NTRK3: variants seen among roughly 807,000 people sequenced by gnomAD.
NTRK3 encodes neurotrophic receptor tyrosine kinase 3.
A neutral mutation model predicts 91.7 loss-of-function variants in NTRK3; 24 were observed. That is an observed-to-expected ratio of 0.26 (90% confidence interval 0.19 to 0.37). The LOEUF (loss-of-function observed/expected upper bound fraction) is 0.37, where lower values mean the gene tolerates loss of function less well. Ranked by LOEUF, NTRK3 falls within the 10% of genes least tolerant of loss-of-function variation. NTRK3 has a pLI of 1.00. For missense variants in NTRK3, 880 were observed against 1,068.9 expected, an observed-to-expected ratio of 0.82 and a Z score of 2.46; for synonymous variants, 483 against 404.0, an observed-to-expected ratio of 1.20 and a Z score of -2.34.
intron 17 of NTRK3, among the ~76,000 whole-genome samples, chr15:87,905,941 T>C (rs898439312): frequency 6.6e-6 from 1 of 152,138 alleles, no homozygotes; most frequent in African/African-American, 2.4e-5. Flanking sequence ...TGCTGTGCCT[T>C]CATGCGCAAT....
intron 13 of NTRK3, among the ~76,000 whole-genome samples, chr15:88,124,282 C>T (rs891424495): frequency 6.6e-6 from 1 of 152,106 alleles, no homozygotes; most frequent in Non-Finnish European, 1.5e-5. Flanking sequence ...CCTGACCCAA[C>T]CAGGGCCAAG....
At chr15:87,924,717 C>T (rs578113958) in intron 17 of NTRK3, among the ~76,000 whole-genome samples, 1 of 152,214 alleles carries the variant, frequency 6.6e-6, no homozygotes, top group African/African-American at 2.4e-5. Context: ...CTAGGTTTCT[C>T]TTGGTCTGGA....
At chr15:88,152,675 CG>C (rs1432897395) in intron 5 of NTRK3, among the ~76,000 whole-genome samples, 3 of 152,216 alleles carry the variant, frequency 2.0e-5, no homozygotes, top group Non-Finnish European at 4.4e-5. Flanking sequence ...CACCTGTTCT[CG>C]GCCCCTCATT....
At chr15:88,061,898 A>C (rs984157621) in intron 13 of NTRK3, among the ~76,000 whole-genome samples, 1 of 152,190 alleles carries the variant, frequency 6.6e-6, no homozygotes. Flanking sequence ...CCCCTTATCC[A>C]TCAAACGGGG....
At chr15:88,031,486 T>C (rs1023292893) in intron 14 of NTRK3, among the ~76,000 whole-genome samples, 2 of 152,208 alleles carry the variant, frequency 1.3e-5, no homozygotes, top group Non-Finnish European at 2.9e-5. Context: ...AGAAGTGAAC[T>C]AATCTTTGTT....
chr15:88,004,630 T>A (rs2076357918), intron 14 of NTRK3, among the ~76,000 whole-genome samples: 1 of 152,132 alleles, frequency 6.6e-6, no homozygotes, highest in Non-Finnish European at 1.5e-5. Flanking sequence ...CTAAGAAGAA[T>A]GTGTACCCTA....
chr15:88,176,940 G>A (rs2046053907), intron 5 of NTRK3, among the ~76,000 whole-genome samples: 2 of 152,222 alleles, frequency 1.3e-5, no homozygotes, highest in Non-Finnish European at 2.9e-5. Flanking sequence ...CAAAGTTTGA[G>A]TAGTCAAGGG....
chr15:87,929,168 T>G, intron 17 of NTRK3, 23 bp downstream of exon 17: 1 of 1,614,186 alleles, frequency 6.2e-7, no homozygotes, highest in South Asian at 1.1e-5. Context: ...GGCTGAGTCC[T>G]GCAGCTGGGA....
intron 3 of NTRK3, chr15:88,253,016 G>A (rs1009810554): frequency 6.6e-6 from 1 of 152,174 alleles, no homozygotes; most frequent in Admixed American, 6.5e-5. Context: ...TTGTCCCTCT[G>A]GAAACTCAGT....
intron 13 of NTRK3, among the ~76,000 whole-genome samples, chr15:88,037,650 T>C (rs1405194377): frequency 6.6e-6 from 1 of 152,160 alleles, no homozygotes; most frequent in Non-Finnish European, 1.5e-5. Context: ...GGATTAAGCT[T>C]GAAAATGAGC....
At chr15:87,961,637 G>T (rs1266873368) in intron 14 of NTRK3, among the ~76,000 whole-genome samples, 1 of 152,232 alleles carries the variant, frequency 6.6e-6, no homozygotes, top group Non-Finnish European at 1.5e-5. Context: ...GCAGTGGCAA[G>T]GCCAATTCCT....
At chr15:88,167,490 T>C (rs1376938012) in intron 5 of NTRK3, among the ~76,000 whole-genome samples, 1 of 152,222 alleles carries the variant, frequency 6.6e-6, no homozygotes, top group Non-Finnish European at 1.5e-5. Context: ...CAATGCATTC[T>C]CTCAGATTCC....
chr15:88,165,339 T>C (rs897050372), intron 5 of NTRK3, among the ~76,000 whole-genome samples: 3 of 152,226 alleles, frequency 2.0e-5, no homozygotes, highest in African/African-American at 4.8e-5. Flanking sequence ...AATGGCTCAA[T>C]TTTCCTAAGT....
chr15:88,069,242 G>C (rs1266475353), intron 13 of NTRK3, among the ~76,000 whole-genome samples: 1 of 152,180 alleles, frequency 6.6e-6, no homozygotes, highest in Non-Finnish European at 1.5e-5. Context: ...TCAATCCAAA[G>C]TGGCATCACC....
At chr15:88,202,298 T>C (rs965446721) in intron 3 of NTRK3, among the ~76,000 whole-genome samples, 5 of 152,192 alleles carry the variant, frequency 3.3e-5, no homozygotes. Flanking sequence ...CCGTTCGACA[T>C]CTCCCCCACT....
At chr15:87,964,167 T>C (rs994165465) in intron 14 of NTRK3, among the ~76,000 whole-genome samples, 2 of 152,136 alleles carry the variant, frequency 1.3e-5, no homozygotes, top group Non-Finnish European at 2.9e-5. Flanking sequence ...TTGTATATAA[T>C]TGGCTTAGAT....
chr15:88,214,766 C>T (rs2049594338), intron 3 of NTRK3, among the ~76,000 whole-genome samples: 1 of 152,018 alleles, frequency 6.6e-6, no homozygotes, highest in African/African-American at 2.4e-5. Context: ...AACGCCTTCC[C>T]ATACGAGCCC....
chr15:87,883,690 C>T (rs1027623159), intron 17 of NTRK3, among the ~76,000 whole-genome samples: 34 of 149,858 alleles, frequency 2.3e-4, no homozygotes, highest in Middle Eastern at 3.6e-3. Flanking sequence ...ACTGGAATTC[C>T]AAGATAAAAA....
chr15:88,078,854 T>C (rs977890443), intron 13 of NTRK3, among the ~76,000 whole-genome samples: 6 of 152,140 alleles, frequency 3.9e-5, no homozygotes, highest in Non-Finnish European at 5.9e-5. Flanking sequence ...GCAAAAAGGC[T>C]GATGTGGCCA....
Sources: gnomAD v4.1 joint callset for allele counts (sites outside exome capture counted in the v4.1 genomes callset) on GRCh38, gnomAD v4.1.1 for gene constraint, MANE v1.5 for transcripts, NCBI Gene and HGNC (gene_info 2026-07-23, HGNC 2026-07-21) for gene names.